ITFG2: variants seen among roughly 807,000 people sequenced by gnomAD.
ITFG2 encodes the protein integrin alpha FG-GAP repeat containing 2, also known as KICSTOR complex protein ITFG2.
ITFG2 carries 36 observed loss-of-function variants against 54.4 expected under a neutral mutation model. That is an observed-to-expected ratio of 0.66 (90% confidence interval 0.51 to 0.87). The LOEUF is 0.87. ITFG2 is among the 40% of genes least tolerant of loss of function. The pLI, the probability that ITFG2 is intolerant of heterozygous loss-of-function variation, is 0.00. For missense variants in ITFG2, 524 were observed against 576.7 expected, an observed-to-expected ratio of 0.91 and a Z score of 0.94; for synonymous variants, 211 against 225.4, an observed-to-expected ratio of 0.94 and a Z score of 0.57.
chr12:2,822,640 C>G (rs1339845264), intron 9 of ITFG2, among the ~76,000 whole-genome samples, 154 bp from the exon 10 acceptor site: 1 of 152,080 alleles, frequency 6.6e-6, no homozygotes, highest in African/African-American at 2.4e-5. Flanking sequence ...TTGCCTACTT[C>G]CTAGGGTGGC....
intron 1 of ITFG2, among the ~76,000 whole-genome samples, chr12:2,814,040 C>A (rs2097915848): frequency 6.6e-6 from 1 of 152,242 alleles, no homozygotes; most frequent in Admixed American, 6.5e-5. Context: ...AACTCCTGGG[C>A]TCAAATGATT....
At chr12:2,859,301 C>G in intron 3 of ITFG2, 1 of 1,613,444 alleles carries the variant, frequency 6.2e-7, no homozygotes, top group Non-Finnish European at 8.5e-7. Flanking sequence ...TTCTCCGAGA[C>G]CGGCTCCTCT....
upstream of ITFG2, chr12:2,834,548 G>A: frequency 6.7e-7 from 1 of 1,485,878 alleles, no homozygotes; most frequent in Non-Finnish European, 8.9e-7. Flanking sequence ...TGAAAGCTGA[G>A]GGTCTGCACT....
intron 2 of ITFG2, chr12:2,857,942 A>C (rs1392925519): frequency 6.6e-6 from 1 of 152,502 alleles, no homozygotes; most frequent in Non-Finnish European, 1.5e-5. Context: ...AGTTGCATCC[A>C]TCCTCCCACC....
chr12:2,826,809 T>TCTC, downstream of ITFG2: 11 of 253,258 alleles, frequency 4.3e-5, no homozygotes, highest in South Asian at 1.4e-4. Context: ...GTGAGAGACA[T>TCTC]GGTGGTGTGG....
chr12:2,826,227 T>G (rs1487504663), downstream of ITFG2: 1 of 150,204 alleles, frequency 6.7e-6, no homozygotes, highest in Non-Finnish European at 1.5e-5. Context: ...AAAGCCTCTG[T>G]CTTTTTGCTT....
intron 1 of ITFG2, among the ~76,000 whole-genome samples, chr12:2,816,031 A>AT (rs35664869): frequency 0.16 from 21,214 of 133,246 alleles, 1,900 homozygotes; most frequent in South Asian, 0.35. Context: ...CACCTGGATA[A>AT]TTTTTTTTTT....
At chr12:2,857,589 C>T (rs2098091768) in intron 2 of ITFG2, 1 of 155,426 alleles carries the variant, frequency 6.4e-6, no homozygotes, top group Non-Finnish European at 1.4e-5. Context: ...CTTGCCTCTT[C>T]CCTATCACCA....
chr12:2,841,582 T>C (rs565376590), intron 2 of ITFG2, among the ~76,000 whole-genome samples: 2 of 152,328 alleles, frequency 1.3e-5, no homozygotes, highest in Admixed American at 1.3e-4. Flanking sequence ...ATATGGTTAT[T>C]GAGCCCTTGA....
At chr12:2,832,868 G>GCAAC (rs2098010526), upstream of ITFG2, among the ~76,000 whole-genome samples, 1 of 151,252 alleles carries the variant, frequency 6.6e-6, no homozygotes, top group African/African-American at 2.4e-5. Flanking sequence ...GATTAATGAG[G>GCAAC]CCCTTGGGGT....
intron 1 of ITFG2, among the ~76,000 whole-genome samples, chr12:2,815,077 G>A (rs1012581401): frequency 4.6e-5 from 7 of 151,722 alleles, no homozygotes; most frequent in African/African-American, 1.7e-4. Flanking sequence ...AGGTTCAAGC[G>A]AACCTTGGCC....
In ITFG2 at chr12:2,845,100, G is replaced by A. The variant is rs1325930394; in HGVS notation, n.300+4105G>A. Among the ~76,000 whole-genome samples the A allele has an allele frequency of 6.6e-6, 1 of 152,174 alleles. No individual in the cohort carries two copies. The highest frequency in any genetic ancestry group is 2.4e-5 in the African/African-American group (1 of 41,438). The stretch of plus-strand genomic sequence containing the variant: ...CACTATTGACACTGTGTAATGAAAA[G>A]AGCAAATGTGTGCGGCTCGGTGGCA... On this transcript the variant is annotated intron_variant and non_coding_transcript_variant, in intron 2 of 3. Transcript: ENST00000537710. This position sits in a 1 kb window ranked among gnomAD's most constrained non-coding sequence, Gnocchi z 4.2.
upstream of ITFG2, among the ~76,000 whole-genome samples, chr12:2,833,047 C>T (rs2098011429): frequency 6.6e-6 from 1 of 151,878 alleles, no homozygotes; most frequent in African/African-American, 2.4e-5. Context: ...CTCAGCCATC[C>T]CAGGGAGGGA....
intron 1 of ITFG2, among the ~76,000 whole-genome samples, chr12:2,814,768 G>A (rs113681302): frequency 0.041 from 6,256 of 152,236 alleles, 181 homozygotes; most frequent in Non-Finnish European, 0.063. Flanking sequence ...GGAAGTTGAG[G>A]CTGCAGTGAG....
At chr12:2,827,030 C>T, downstream of ITFG2, 5 of 1,442,210 alleles carry the variant, frequency 3.5e-6, no homozygotes, top group Non-Finnish European at 4.5e-6. This position sits in a 1 kb window ranked among gnomAD's most constrained non-coding sequence, Gnocchi z 4.0. Flanking sequence ...AGGACAGCTG[C>T]TGAGAAGCAG....
At chr12:2,821,813 A>C in intron 9 of ITFG2, 21 bp downstream of exon 9, 1 of 1,574,210 alleles carries the variant, frequency 6.4e-7, no homozygotes, top group Non-Finnish European at 8.7e-7. Context: ...AACCTGGCAG[A>C]GCAGAGCATT....
chr12:2,853,991 C>T (rs1343425128), intron 2 of ITFG2, among the ~76,000 whole-genome samples: 1 of 152,168 alleles, frequency 6.6e-6, no homozygotes, highest in Non-Finnish European at 1.5e-5. Flanking sequence ...CCCCTTCTCT[C>T]CTGAATTTCT....
chr12:2,858,698 G>T, intron 3 of ITFG2: 1 of 1,614,140 alleles, frequency 6.2e-7, no homozygotes, highest in Admixed American at 1.7e-5. Context: ...GTGGGTCCTC[G>T]TCCAGGCCAG....
chr12:2,819,903 G>GATGGACCAA, intron 4 of ITFG2, 183 bp from the exon 5 acceptor site: 1 of 621,960 alleles, frequency 1.6e-6, no homozygotes, highest in Non-Finnish European at 2.6e-6. Context: ...CTGCGGAACA[G>GATGGACCAA]ATGGACCAAA....
Sources: gnomAD v4.1 joint callset for allele counts (sites outside exome capture counted in the v4.1 genomes callset) on GRCh38, gnomAD v4.1.1 for gene constraint, Gnocchi (gnomAD v3.1) non-coding constraint, MANE v1.5 for transcripts, NCBI Gene and HGNC (gene_info 2026-07-23, HGNC 2026-07-21) for gene names.